The following PDPN variants were observed in gnomAD, a reference collection of about 807,000 sequenced individuals.
The protein encoded by PDPN is PA2.26 antigen.
A neutral mutation model predicts 23.2 loss-of-function variants in PDPN; 12 were observed. That is an observed-to-expected ratio of 0.52 (90% CI 0.33 to 0.84). The LOEUF (loss-of-function observed/expected upper bound fraction) is 0.84, where lower values mean the gene tolerates loss of function less well. PDPN is among the 40% of genes least tolerant of loss of function. The probability of loss-of-function intolerance (pLI) is 0.02; values close to 1 mark genes in which losing one functional copy is unlikely to be tolerated. For missense variants in PDPN, 199 were observed against 212.2 expected (o/e 0.94, Z 0.39); for synonymous variants, 77 against 76.7 (o/e 1.00, Z -0.02).
At chr1:13,615,748 C>T (rs545412983) in intron 5 of PDPN, among the ~76,000 whole-genome samples, 157 bp from the exon 6 acceptor site, 15 of 152,048 alleles carry the variant, frequency 9.9e-5, no homozygotes, top group South Asian at 2.1e-4. Context: ...TGTGTGAGGA[C>T]GAAGGCATGG....
At chr1:13,590,988 C>A (rs1640327694) in intron 1 of PDPN, among the ~76,000 whole-genome samples, 2 of 151,926 alleles carry the variant, frequency 1.3e-5, no homozygotes, top group Non-Finnish European at 1.5e-5. Context: ...GTTGCCCAGG[C>A]TGGAGTGCAA....
intron 1 of PDPN, among the ~76,000 whole-genome samples, chr1:13,594,974 G>A (rs1269487004): frequency 6.9e-6 from 1 of 145,248 alleles, no homozygotes. Flanking sequence ...CAGCCTGGGC[G>A]ACAGAGCGAG....
intron 1 of PDPN, among the ~76,000 whole-genome samples, chr1:13,599,905 G>A (rs1160315421): frequency 6.6e-6 from 1 of 152,166 alleles, no homozygotes; most frequent in Non-Finnish European, 1.5e-5. Flanking sequence ...GCCTTAACTT[G>A]CACAGTTAAG....
intron 1 of PDPN, among the ~76,000 whole-genome samples, chr1:13,603,158 G>A (rs963915611): frequency 5.3e-5 from 8 of 152,138 alleles, no homozygotes; most frequent in Non-Finnish European, 8.8e-5. Flanking sequence ...CAAGGCAGGC[G>A]GATCACCTGA....
intron 1 of PDPN, chr1:13,585,679 T>C (rs1240126285): frequency 1.5e-6 from 2 of 1,335,052 alleles, no homozygotes; most frequent in African/African-American, 3.0e-5. Context: ...AAAACCATCG[T>C]TGGTGCTGGA....
chr1:13,583,809 C>T, upstream of PDPN: 1 of 1,544,632 alleles, frequency 6.5e-7, no homozygotes, highest in Non-Finnish European at 8.7e-7. Context: ...GAGATAAATG[C>T]TGACTCCGCT....
chr1:13,615,468 A>G (rs535828482), intron 5 of PDPN, among the ~76,000 whole-genome samples: 1 of 151,968 alleles, frequency 6.6e-6, no homozygotes, highest in South Asian at 2.1e-4. Context: ...TGTATTTTTT[A>G]GTAGAGATAG....
intron 1 of PDPN, among the ~76,000 whole-genome samples, chr1:13,602,846 GCGTGAGC>G (rs1408019790): frequency 1.3e-5 from 2 of 152,170 alleles, no homozygotes; most frequent in East Asian, 3.9e-4. Context: ...GGGATTACAG[GCGTGAGC>G]CACCGTGCCT....
intron 1 of PDPN, chr1:13,585,383 G>A (rs1640148955): frequency 1.4e-6 from 1 of 740,006 alleles, no homozygotes; most frequent in South Asian, 1.8e-5. Flanking sequence ...GGGGCCGTGG[G>A]TTATTCGTAG....
intron 1 of PDPN, among the ~76,000 whole-genome samples, chr1:13,605,702 AACCCCC>A (rs921921372): frequency 6.6e-6 from 1 of 152,042 alleles, no homozygotes; most frequent in Non-Finnish European, 1.5e-5. Context: ...GGCTCACTGC[AACCCCC>A]ACCTCCCATG....
Position 13,590,401 on chromosome 1 carries a change from G to A in PDPN, c.67+6301G>A, listed in dbSNP as rs79403559. 6.1e-4 allele frequency among the ~76,000 whole-genome samples: 93 copies of A among 152,302 alleles called. No individual in the cohort carries two copies. In the East Asian group the frequency reaches 0.015, roughly 25 times the overall value. On this transcript the variant is annotated intron_variant, in intron 1 of 5. Coordinates refer to ENST00000621990, the MANE Select transcript of PDPN (RefSeq NM_006474.5). The stretch of plus-strand genomic sequence containing the variant: ...CAACAGATAAAGTCGTGTCCTGCGC[G>A]GCACATGCTATTATTGTCTGTTGCT...
At chr1:13,591,830 G>T (rs1335371621) in intron 1 of PDPN, among the ~76,000 whole-genome samples, 1 of 152,206 alleles carries the variant, frequency 6.6e-6, no homozygotes, top group Non-Finnish European at 1.5e-5. Context: ...AAATAGCTGG[G>T]ACTACAGGCG....
intron 1 of PDPN, among the ~76,000 whole-genome samples, chr1:13,605,797 A>G (rs931596780): frequency 5.9e-5 from 9 of 151,768 alleles, no homozygotes; most frequent in African/African-American, 1.9e-4. Context: ...TAATTTTTGT[A>G]TTTTTAGTAG....
At chr1:13,605,727 A>G (rs1028354175) in intron 1 of PDPN, among the ~76,000 whole-genome samples, 1 of 151,986 alleles carries the variant, frequency 6.6e-6, no homozygotes, top group East Asian at 1.9e-4. Context: ...TGTTCAAGCG[A>G]TTCTCCTGCC....
intron 1 of PDPN, among the ~76,000 whole-genome samples, chr1:13,592,606 A>G (rs996789366): frequency 3.4e-5 from 5 of 146,666 alleles, no homozygotes; most frequent in African/African-American, 1.3e-4. Context: ...CTGGAGTGCA[A>G]TGGCACGATC....
chr1:13,584,429 A>C, intron 1 of PDPN: 1 of 927,404 alleles, frequency 1.1e-6, no homozygotes, highest in East Asian at 2.7e-5. Context: ...GCTTGCTGGC[A>C]GCAGTGGCTG....
intron 1 of PDPN, among the ~76,000 whole-genome samples, chr1:13,595,038 C>T: frequency 6.6e-6 from 1 of 151,608 alleles, no homozygotes; most frequent in East Asian, 1.9e-4. Flanking sequence ...CGAGAGCATG[C>T]ACCTGACGCC....
chr1:13,590,780 A>G (rs1189378741), intron 1 of PDPN, among the ~76,000 whole-genome samples: 2 of 144,458 alleles, frequency 1.4e-5, no homozygotes, highest in Non-Finnish European at 3.0e-5. Context: ...GGAGTGGCCC[A>G]TGAATGCTGG....
chr1:13,585,265 C>T (rs1033878049), intron 1 of PDPN, among the ~76,000 whole-genome samples: 3 of 152,120 alleles, frequency 2.0e-5, no homozygotes, highest in Non-Finnish European at 4.4e-5. Context: ...CTAACCTGGC[C>T]TCCTACAATG....
Sources: gnomAD v4.1 joint callset for allele counts (sites outside exome capture counted in the v4.1 genomes callset) on GRCh38, gnomAD v4.1.1 for gene constraint, MANE v1.5 for transcripts, NCBI Gene and HGNC (gene_info 2026-07-23, HGNC 2026-07-21) for gene names.